PACSIN2: variants seen among roughly 807,000 people sequenced by gnomAD.
PACSIN2 encodes protein kinase C and casein kinase substrate in neurons protein 2.
In PACSIN2, 25 loss-of-function variants were observed where a neutral mutation model predicts 63.8. The observed-to-expected ratio is 0.39, with a 90% CI of 0.29 to 0.55. The LOEUF is 0.55. PACSIN2 is among the 20% of genes least tolerant of loss of function. The pLI, the probability that PACSIN2 is intolerant of heterozygous loss-of-function variation, is 0.62. For missense variants in PACSIN2, 518 were observed against 646.9 expected, an observed-to-expected ratio of 0.80 and a Z score of 2.16; for synonymous variants, 255 against 256.2, an observed-to-expected ratio of 1.00 and a Z score of 0.05.
intron 1 of PACSIN2, among the ~76,000 whole-genome samples, chr22:42,993,321 G>A (rs1178646682): frequency 3.9e-5 from 6 of 152,170 alleles, no homozygotes; most frequent in Non-Finnish European, 7.3e-5. Flanking sequence ...GACCCCAAGT[G>A]GCAAGAGGAA....
At chr22:42,960,414 G>A (rs1021392497) in intron 1 of PACSIN2, among the ~76,000 whole-genome samples, 1 of 152,196 alleles carries the variant, frequency 6.6e-6, no homozygotes, top group Non-Finnish European at 1.5e-5. Context: ...TGGGGACACA[G>A]AGTCCCCTGG....
intron 1 of PACSIN2, among the ~76,000 whole-genome samples, chr22:42,982,884 AAAAAAACAAC>A (rs1406985729): frequency 3.6e-5 from 5 of 137,870 alleles, no homozygotes; most frequent in African/African-American, 2.8e-5. Context: ...AAAAAAAAAA[AAAAAAACAAC>A]AACAAGGCTA....
intron 2 of PACSIN2, among the ~76,000 whole-genome samples, chr22:42,902,559 C>T (rs1428719584): frequency 6.6e-6 from 1 of 152,172 alleles, no homozygotes; most frequent in Non-Finnish European, 1.5e-5. Context: ...TCGCTGAGAT[C>T]TCAGAGGCAT....
intron 1 of PACSIN2, among the ~76,000 whole-genome samples, chr22:42,983,840 G>T (rs1388220510): frequency 6.6e-6 from 1 of 152,128 alleles, no homozygotes; most frequent in African/African-American, 2.4e-5. Context: ...CTGGTGGTCA[G>T]TCTCCATCTC....
chr22:42,932,284 C>CG (rs1243534909), intron 1 of PACSIN2, among the ~76,000 whole-genome samples: 20 of 152,236 alleles, frequency 1.3e-4, no homozygotes, highest in African/African-American at 4.6e-4. Flanking sequence ...CCGGCTCCCC[C>CG]TCACACCATT....
At chr22:42,963,697 A>G (rs1356552410) in intron 1 of PACSIN2, among the ~76,000 whole-genome samples, 1 of 152,178 alleles carries the variant, frequency 6.6e-6, no homozygotes, top group African/African-American at 2.4e-5. Context: ...CCCAGCTAAT[A>G]AGGGCAGAAT....
intron 7 of PACSIN2, among the ~76,000 whole-genome samples, chr22:42,881,883 T>A (rs1929102682): frequency 6.6e-6 from 1 of 151,992 alleles, no homozygotes; most frequent in South Asian, 2.1e-4. Context: ...TGCCTACGGC[T>A]CCTGAGACTG....
intron 1 of PACSIN2, among the ~76,000 whole-genome samples, chr22:42,982,888 A>AAAAAAAAAAAAAAAAAAAAACAAC (rs759532303): frequency 5.7e-5 from 6 of 105,198 alleles, no homozygotes; most frequent in Admixed American, 2.3e-4. Flanking sequence ...AAAAAAAAAA[A>AAAAAAAAAAAAAAAAAAAAACAAC]AACAACAACA....
At chr22:42,916,697 C>T (rs1234131806) in intron 1 of PACSIN2, among the ~76,000 whole-genome samples, 1 of 152,176 alleles carries the variant, frequency 6.6e-6, no homozygotes, top group Non-Finnish European at 1.5e-5. Flanking sequence ...ATCTCTGGAA[C>T]TCCCATGACT....
intron 1 of PACSIN2, among the ~76,000 whole-genome samples, chr22:42,927,618 G>A (rs1601532850): frequency 6.6e-6 from 1 of 151,704 alleles, no homozygotes; most frequent in Non-Finnish European, 1.5e-5. Context: ...ACTGAGTTTT[G>A]CTCTTCTTGC....
chr22:42,983,360 C>T lies in PACSIN2; in HGVS notation c.-78+31661G>A, dbSNP rs200720069. ...AAGAAACTGGCTGGGTGTGGTGGCACACACTTCTAATCCCAGCTACTTGGG... is the reference window on the plus strand; with the variant it reads ...AAGAAACTGGCTGGGTGTGGTGGCATACACTTCTAATCCCAGCTACTTGGG... On this transcript the variant is annotated intron_variant, in intron 1 of 10. Coordinates refer to ENST00000263246, the MANE Select transcript of PACSIN2 (RefSeq NM_001184970.3). Among the ~76,000 whole-genome samples the T allele has an allele frequency of 1.3e-4, 19 of 144,056 alleles. No homozygotes were observed. The East Asian group carries it at 3.8e-3, about 29-fold the overall frequency. The allele number at this position is 144,056 out of a possible 152,430, so 94.5% of individuals were successfully genotyped here.
In PACSIN2 at chr22:42,871,994, G is replaced by A. The variant is rs1054340939; in HGVS notation, c.1349-525C>T. Among the ~76,000 whole-genome samples the A allele has an allele frequency of 2.0e-5, 3 of 152,234 alleles. No individual in the cohort carries two copies. The highest frequency in any genetic ancestry group is 7.2e-5 in the African/African-American group (3 of 41,454). Reference sequence around the variant, plus strand: ...GTCATTTTATCCCCAGCACCTGGCTGATGACTTGTGCACGGTGCCATGTGT... The same window carrying A: ...GTCATTTTATCCCCAGCACCTGGCTAATGACTTGTGCACGGTGCCATGTGT... On this transcript the variant is annotated intron_variant, in intron 10 of 10. Coordinates refer to ENST00000263246, the MANE Select transcript of PACSIN2 (RefSeq NM_001184970.3). This position sits in a 1 kb window ranked among gnomAD's most constrained non-coding sequence, Gnocchi z 5.4.
intron 4 of PACSIN2, among the ~76,000 whole-genome samples, chr22:42,889,372 T>TTACACACACACA (rs56372523): frequency 0.53 from 53,715 of 102,184 alleles, 10,663 homozygotes; most frequent in Non-Finnish European, 0.61. Flanking sequence ...TTAATGGTTT[T>TTACACACACACA]TACACACACA....
At chr22:42,967,543 T>C (rs1920976694) in intron 1 of PACSIN2, among the ~76,000 whole-genome samples, 1 of 152,234 alleles carries the variant, frequency 6.6e-6, no homozygotes. Flanking sequence ...ACTGTTGGTG[T>C]TTCATCGTCT....
In PACSIN2 at chr22:42,884,489, G is replaced by C. The variant is rs777187400; in HGVS notation, c.682C>G (p.Gln228Glu). The C allele has an allele frequency of 6.2e-7, 1 of 1,614,134 alleles. No homozygotes were observed. Among genetic ancestry groups the C allele is most frequent in the Middle Eastern group, 1.6e-4 (1 of 6,062 alleles). The change falls in exon 6 of 11, where the codon CAG becomes GAG. Residue 228 changes from glutamine to glutamate, a missense_variant. Around this residue, in one of 2 missense-constraint regions of PACSIN2, gnomAD observed 507 missense variants for 612.3 expected, o/e 0.83. Transcript: ENST00000263246. ...AACTGCTGGCACTGCTCAAACACCTGCTCCATGTTCTCCATGTACTGGGGT... is the reference window on the plus strand; with the variant it reads ...AACTGCTGGCACTGCTCAAACACCTCCTCCATGTTCTCCATGTACTGGGGT... ...GTPQYMENME[Q>E]VFEQCQQFEE...
At chr22:43,002,651 C>G (rs766418788) in intron 1 of PACSIN2, among the ~76,000 whole-genome samples, 5 of 152,060 alleles carry the variant, frequency 3.3e-5, no homozygotes, top group Non-Finnish European at 7.3e-5. Context: ...TCAAAACACT[C>G]TTAAGGTGTT....
At position 42,952,460 on chromosome 22, in the gene PACSIN2, G is replaced by A. The variant is rs142684726; in HGVS notation, c.-77-40303C>T. 3.0e-3 allele frequency among the ~76,000 whole-genome samples: 462 copies of A among 151,630 alleles called. 2 individuals carry two copies. The highest frequency in any genetic ancestry group is 0.011 in the African/African-American group (455 of 41,304). ...AGCAGCCTCTGCCTCCTTGGTTCAA[G>A]CGATTCTCCTGCCTCAGCCTCCTGA... On this transcript the variant is annotated intron_variant, in intron 1 of 10. Transcript: ENST00000263246.
chr22:42,912,284 T>G (rs1000906394), intron 1 of PACSIN2, 127 bp from the exon 2 acceptor site: 9 of 522,572 alleles, frequency 1.7e-5, no homozygotes, highest in Non-Finnish European at 3.0e-5. Flanking sequence ...TAATATTTCC[T>G]TTAGGTGGCA....
At chr22:42,955,984 AAG>A (rs758251295) in intron 1 of PACSIN2, among the ~76,000 whole-genome samples, 1 of 152,226 alleles carries the variant, frequency 6.6e-6, no homozygotes, top group Non-Finnish European at 1.5e-5. Context: ...TTAAGAGTCA[AAG>A]AGAGAGTTCC....
Sources: allele counts gnomAD v4.1 joint callset (sites outside exome capture counted in the v4.1 genomes callset), GRCh38; gene constraint gnomAD v4.1.1; regional missense constraint gnomAD v4.1.1; non-coding constraint Gnocchi (gnomAD v3.1); transcripts MANE v1.5; gene names NCBI Gene and HGNC (gene_info 2026-07-23, HGNC 2026-07-21).